The following ARAP2 variants were observed in gnomAD, a reference collection of about 807,000 sequenced individuals.
ARAP2 encodes arf-GAP with Rho-GAP domain, ANK repeat and PH domain-containing protein 2.
In ARAP2, 148 loss-of-function variants were observed where a neutral mutation model predicts 194.5. The ratio of observed to expected loss-of-function variants is 0.76; its 90% confidence interval spans 0.67 to 0.87. The LOEUF is 0.87. Among genes scored for constraint, ARAP2 ranks in the 40% least tolerant of loss-of-function variants. The pLI, the probability that ARAP2 is intolerant of heterozygous loss-of-function variation, is 0.00. For missense variants in ARAP2, 2,128 were observed against 1,989.7 expected (o/e 1.07, Z -1.32); for synonymous variants, 695 against 683.5 (o/e 1.02, Z -0.26).
chr4:36,198,153 G>A (rs1469036800), intron 6 of ARAP2, among the ~76,000 whole-genome samples: 1 of 152,182 alleles, frequency 6.6e-6, no homozygotes, highest in African/African-American at 2.4e-5. Context: ...AGGAGGTCCT[G>A]GGTGGGGAGC....
intron 27 of ARAP2, among the ~76,000 whole-genome samples, chr4:36,094,852 G>T (rs1714746973): frequency 6.6e-6 from 1 of 152,134 alleles, no homozygotes; most frequent in Non-Finnish European, 1.5e-5. Flanking sequence ...AAACAGGTTT[G>T]ATATAATTAT....
At chr4:36,092,105 T>C in intron 27 of ARAP2, 85 bp from the exon 28 acceptor site, 1 of 1,376,780 alleles carries the variant, frequency 7.3e-7, no homozygotes, top group African/African-American at 1.4e-5. Flanking sequence ...TATTGTCATA[T>C]AGAAAAAATA....
At chr4:36,037,999 C>T (rs1297471573) in intron 5 of ARAP2, among the ~76,000 whole-genome samples, 1 of 152,152 alleles carries the variant, frequency 6.6e-6, no homozygotes, top group Admixed American at 6.6e-5. Flanking sequence ...GAAGCTAGAT[C>T]CTTTTTGTGC....
Position 36,164,945 on chromosome 4 carries a change from A to G in ARAP2, c.2142T>C (p.Asn714=). The G allele has an allele frequency of 6.2e-7, 1 of 1,614,098 alleles. No individual in the cohort carries two copies. Among genetic ancestry groups the G allele is most frequent in the Non-Finnish European group, 8.5e-7 (1 of 1,179,944 alleles). Residue 714 remains asparagine (N), a synonymous_variant, in exon 11 of 33, where the codon AAT becomes AAC. Transcript: ENST00000303965. ...ACTTCTTACAGATGACAACACAGAG[A>G]TTGATGGATGCCCAGTCAGGATCTG... ...KAPDPDWASI[N]LCVVICKKCA...
chr4:36,086,799 C>T (rs1002301136), intron 28 of ARAP2, among the ~76,000 whole-genome samples: 1 of 152,066 alleles, frequency 6.6e-6, no homozygotes, highest in Admixed American at 6.6e-5. Context: ...ATCCCCTTTA[C>T]CCATTTGCTT....
intron 5 of ARAP2, among the ~76,000 whole-genome samples, chr4:36,042,708 G>C (rs567001958): frequency 6.6e-6 from 1 of 152,170 alleles, no homozygotes; most frequent in African/African-American, 2.4e-5. Context: ...TTTAAATATG[G>C]TTCAGTAGAT....
chr4:36,087,988 T>C (rs1712379083), intron 28 of ARAP2, among the ~76,000 whole-genome samples: 1 of 152,108 alleles, frequency 6.6e-6, no homozygotes, highest in Non-Finnish European at 1.5e-5. Flanking sequence ...GGGGTAACTG[T>C]ATAGATAAAA....
intron 24 of ARAP2, among the ~76,000 whole-genome samples, chr4:36,118,095 A>G (rs1204298027): frequency 6.6e-6 from 1 of 151,394 alleles, no homozygotes; most frequent in Non-Finnish European, 1.5e-5. Flanking sequence ...GGAAAACATT[A>G]AAGATGAACT....
intron 2 of ARAP2, among the ~76,000 whole-genome samples, chr4:36,220,363 G>C (rs1748877455): frequency 6.6e-6 from 1 of 152,092 alleles, no homozygotes; most frequent in Non-Finnish European, 1.5e-5. Flanking sequence ...TGTAGCCATT[G>C]CAACACCACA....
chr4:36,173,960 AATC>A (rs1185369648), intron 9 of ARAP2, among the ~76,000 whole-genome samples: 7 of 152,178 alleles, frequency 4.6e-5, no homozygotes, highest in African/African-American at 9.7e-5. Flanking sequence ...TGCCAATAAT[AATC>A]ATCATCATCA....
At chr4:36,073,608 G>T (rs1014328587) in intron 32 of ARAP2, 81 bp downstream of exon 32, 3 of 1,469,354 alleles carry the variant, frequency 2.0e-6, no homozygotes, top group Non-Finnish European at 2.8e-6. Context: ...AGCCAATGAA[G>T]TAATTAATGA....
intron 24 of ARAP2, among the ~76,000 whole-genome samples, chr4:36,119,294 G>A (rs1722119433): frequency 6.6e-6 from 1 of 151,360 alleles, no homozygotes; most frequent in South Asian, 2.1e-4. Flanking sequence ...ACAATAGAAA[G>A]AATCACTAGG....
At chr4:36,152,108 A>G (rs1001706127) in intron 15 of ARAP2, among the ~76,000 whole-genome samples, 1 of 152,238 alleles carries the variant, frequency 6.6e-6, no homozygotes, top group African/African-American at 2.4e-5. Context: ...AGTAACCATT[A>G]AAACAGTGAC....
At chr4:36,060,094 A>T (rs556579649) in intron 1 of ARAP2, among the ~76,000 whole-genome samples, 12 of 152,286 alleles carry the variant, frequency 7.9e-5, no homozygotes, top group African/African-American at 2.4e-4. Flanking sequence ...GTTGTTGTTA[A>T]GCCAGTCAAC....
chr4:36,011,263 C>T (rs929702681), intron 9 of ARAP2, among the ~76,000 whole-genome samples: 6 of 152,162 alleles, frequency 3.9e-5, no homozygotes, highest in South Asian at 2.1e-4. Flanking sequence ...CACCATTACA[C>T]GTTTTTCAAG....
intron 5 of ARAP2, among the ~76,000 whole-genome samples, chr4:36,030,410 C>T (rs950347145): frequency 2.0e-5 from 3 of 151,938 alleles, no homozygotes; most frequent in African/African-American, 7.2e-5. Flanking sequence ...TTAATATTTC[C>T]ATGTGCACCA....
chr4:36,241,689 T>C (rs566394679), intron 1 of ARAP2, among the ~76,000 whole-genome samples: 23 of 152,190 alleles, frequency 1.5e-4, no homozygotes, highest in Non-Finnish European at 3.2e-4. Flanking sequence ...AAAACAACTT[T>C]TTGCAAAGAA....
chr4:36,237,085 C>T (rs776418727), intron 1 of ARAP2, among the ~76,000 whole-genome samples: 1 of 152,158 alleles, frequency 6.6e-6, no homozygotes, highest in Non-Finnish European at 1.5e-5. Context: ...TAAGGGAGAA[C>T]ATCTTTGTAA....
intron 1 of ARAP2, among the ~76,000 whole-genome samples, chr4:36,234,692 T>C (rs1752133408): frequency 2.0e-5 from 3 of 152,198 alleles, no homozygotes; most frequent in Admixed American, 2.0e-4. Flanking sequence ...ACCTACCTCA[T>C]AGGGCTACTG....
Sources: gnomAD v4.1 joint callset for allele counts (sites outside exome capture counted in the v4.1 genomes callset) on GRCh38, gnomAD v4.1.1 for gene constraint, MANE v1.5 for transcripts, NCBI Gene and HGNC (gene_info 2026-07-23, HGNC 2026-07-21) for gene names.